SPG11: variants seen among roughly 807,000 people sequenced by gnomAD.
SPG11 encodes the protein spatacsin.
In SPG11, 222 loss-of-function variants were observed where a neutral mutation model predicts 274.0. The ratio of observed to expected loss-of-function variants is 0.81; its 90% CI spans 0.73 to 0.91. The LOEUF (loss-of-function observed/expected upper bound fraction) is 0.91, where lower values mean the gene tolerates loss of function less well. SPG11 is among the 40% of genes least tolerant of loss of function. The pLI is 0.00. For missense variants in SPG11, 3,114 were observed against 2,872.7 expected, an observed-to-expected ratio of 1.08 and a Z score of -1.92; for synonymous variants, 1,144 against 1,039.7, an observed-to-expected ratio of 1.10 and a Z score of -1.93.
At chr15:44,593,247 GTGCAGTGGCA>G (rs1209501563) in intron 26 of SPG11, among the ~76,000 whole-genome samples, 2 of 152,060 alleles carry the variant, frequency 1.3e-5, no homozygotes, top group African/African-American at 4.8e-5. Flanking sequence ...CCAGGCTGGA[GTGCAGTGGCA>G]TGATCACAGC....
At position 44,565,905 on chromosome 15, in the gene SPG11, C is replaced by A; in HGVS notation, c.6948G>T (p.Leu2316Phe). 6.2e-7 allele frequency: 1 copy of A among 1,613,724 alleles called. No individual in the cohort carries two copies. Among genetic ancestry groups the A allele is most frequent in the South Asian group, 1.1e-5 (1 of 91,006 alleles). ...TACAGTCCATCAGCTTGTGGCGGCC[C>A]AAGTTGATGAGCATTGTGTTCTGGC... is the stretch of plus-strand genomic sequence containing the variant. ...NTGQNTMLIN[L>F]GRHKLMDCIL... is the part of the protein sequence containing the mutation. The change falls in exon 38 of 40, where the codon TTG (leucine) becomes TTT (phenylalanine). Residue 2316 changes from leucine to phenylalanine, a missense_variant. Transcript: ENST00000261866.
chr15:44,597,342 C>A (rs966893282), intron 23 of SPG11, among the ~76,000 whole-genome samples: 6 of 152,056 alleles, frequency 3.9e-5, no homozygotes, highest in African/African-American at 1.4e-4. Context: ...GAACTCCCAA[C>A]CTCAGGTGAT....
chr15:44,564,652 T>G lies in SPG11; in HGVS notation c.7046A>C (p.Glu2349Ala), dbSNP rs1255680406. ...EAYDFVPDWA[E>A]ILYQQVILKG... is the part of the protein sequence containing the mutation. Reference sequence around the variant, plus strand: ...AAGAATCACTTGCTGGTATAAAATTTCAGCCCAATCTGGAACAAAATCGTA... The same window carrying G: ...AAGAATCACTTGCTGGTATAAAATTGCAGCCCAATCTGGAACAAAATCGTA... Residue 2349 changes from glutamate (E) to alanine (A), a missense_variant, in exon 39 of 40, where the codon GAA becomes GCA. Transcript: ENST00000261866. 6.2e-7 allele frequency: 1 copy of G among 1,614,144 alleles called. No homozygotes were observed. Among genetic ancestry groups the G allele is most frequent in the Admixed American group, 1.7e-5 (1 of 60,014 alleles).
chr15:44,619,704 G>C (rs556970965), intron 15 of SPG11, among the ~76,000 whole-genome samples: 3 of 151,188 alleles, frequency 2.0e-5, no homozygotes, highest in Non-Finnish European at 4.4e-5. Flanking sequence ...CTACCCACAT[G>C]ATATTAAATG....
rs8037681 is a variant in SPG11 at position 44,581,266 on chromosome 15, G to T, written c.5866+2548C>A. 6.0e-3 allele frequency among the ~76,000 whole-genome samples: 910 copies of T among 152,156 alleles called. 26 individuals are homozygous for T. In the East Asian group the frequency reaches 0.089, roughly 15 times the overall value. The stretch of plus-strand genomic sequence containing the variant: ...TTGTTGCCCAGGCTGGAGTGCAGTG[G>T]CATGAACATGGCTCACTGCAGCCTT... On this transcript the variant is annotated intron_variant, in intron 30 of 39. Coordinates refer to ENST00000261866, the MANE Select transcript of SPG11 (RefSeq NM_025137.4).
intron 26 of SPG11, among the ~76,000 whole-genome samples, chr15:44,593,220 T>C (rs915558703): frequency 2.0e-5 from 3 of 152,056 alleles, no homozygotes; most frequent in African/African-American, 4.8e-5. Flanking sequence ...TTTTGAGACA[T>C]AGCCTCATTC....
intron 38 of SPG11, 98 bp from the exon 39 acceptor site, chr15:44,564,796 T>C (rs186778944): frequency 3.6e-5 from 46 of 1,275,056 alleles, no homozygotes; most frequent in African/African-American, 1.3e-4. Context: ...CTCACTCATG[T>C]AGTGAATATG....
intron 7 of SPG11, among the ~76,000 whole-genome samples, chr15:44,636,695 A>T (rs914288908): frequency 2.6e-5 from 4 of 151,606 alleles, no homozygotes; most frequent in African/African-American, 7.3e-5. Flanking sequence ...GGTTTGGGAG[A>T]AAGGCAGGTC....
chr15:44,580,381 C>T (rs1264975271), intron 30 of SPG11, among the ~76,000 whole-genome samples: 2 of 152,130 alleles, frequency 1.3e-5, no homozygotes, highest in Admixed American at 1.3e-4. Context: ...AGAATGTAAC[C>T]TCATTGTTAA....
chr15:44,632,663 A>C (rs1228781901), intron 8 of SPG11, among the ~76,000 whole-genome samples: 1 of 151,966 alleles, frequency 6.6e-6, no homozygotes, highest in Non-Finnish European at 1.5e-5. Flanking sequence ...ATGCGTCATC[A>C]TGCCCAACTA....
At chr15:44,595,785 A>G (rs2083020766) in intron 25 of SPG11, among the ~76,000 whole-genome samples, 1 of 152,206 alleles carries the variant, frequency 6.6e-6, no homozygotes, top group Non-Finnish European at 1.5e-5. Context: ...CTTCCCTGCT[A>G]AAGAGGGCAC....
chr15:44,654,874 T>C (rs2084892525), intron 4 of SPG11, among the ~76,000 whole-genome samples: 1 of 152,118 alleles, frequency 6.6e-6, no homozygotes, highest in African/African-American at 2.4e-5. Flanking sequence ...TATCAGAACC[T>C]ATGTAATGTA....
In SPG11 at chr15:44,573,758, C is replaced by T. The variant is rs914339608; in HGVS notation, c.6007-13G>A. ...AACAGCCCAACTCCTGAGAGGAAGA[C>T]AAAGCCAGTCAAGGCCACTTTTAGA... On this transcript the variant is annotated splice_polypyrimidine_tract_variant and intron_variant, in intron 31 of 39. Transcript: ENST00000261866. 5.0e-6 allele frequency: 8 copies of T among 1,613,992 alleles called. No homozygotes were observed. The highest frequency in any genetic ancestry group is 5.9e-6 in the Non-Finnish European group (7 of 1,179,994).
In SPG11 at chr15:44,569,453, T is replaced by A; in HGVS notation, c.6530A>T (p.Asp2177Val). 6.2e-7 allele frequency: 1 copy of A among 1,606,832 alleles called. No homozygotes were observed. Among genetic ancestry groups the A allele is most frequent in the Non-Finnish European group, 8.5e-7 (1 of 1,176,098 alleles). ...GRYNEMTYIF[D>V]LLHKKHYFEV... ...AAAGTAGTGCTTTTTATGCAGCAAA[T>A]CAAATATGTATGTCATCTCGTTGTA... The change falls in exon 35 of 40, where the codon GAT becomes GTT. Residue 2177 changes from aspartate (D) to valine (V), a missense_variant. By Grantham distance (152) the Asp-to-Val change is radical. Coordinates refer to ENST00000261866, the MANE Select transcript of SPG11 (RefSeq NM_025137.4).
Position 44,595,353 on chromosome 15 carries a change from G to A in SPG11, c.4541C>T (p.Thr1514Ile). 1 of 1,614,156 alleles carries A rather than the reference G, an allele frequency of 6.2e-7. No homozygotes were observed. Among genetic ancestry groups the A allele is most frequent in the Non-Finnish European group, 8.5e-7 (1 of 1,180,008 alleles). The part of the protein sequence containing the change: ...GHIQDSTEDH[T>I]WNLEDLSVIW... ...GACTGAAAGATCCTCAAGGTTCCAG[G>A]TATGGTCCTCTGTTGAGTCCTGAAT... Residue 1514 changes from threonine (T) to isoleucine (I), a missense_variant, in exon 26 of 40, where the codon ACC (threonine) becomes ATC (isoleucine). Thr to Ile is a moderately conservative substitution (Grantham distance 89). Transcript: ENST00000261866.
chr15:44,588,152 G>T (rs2082814469), intron 28 of SPG11, among the ~76,000 whole-genome samples: 1 of 152,086 alleles, frequency 6.6e-6, no homozygotes, highest in Non-Finnish European at 1.5e-5. Flanking sequence ...TAGCCAAACT[G>T]TCAGAATATA....
chr15:44,638,461 A>AAAAC (rs768509241), intron 7 of SPG11, among the ~76,000 whole-genome samples: 47 of 151,620 alleles, frequency 3.1e-4, no homozygotes, highest in African/African-American at 7.3e-4. Context: ...ACTCCATCTC[A>AAAAC]AAACAAACAA....
intron 7 of SPG11, among the ~76,000 whole-genome samples, chr15:44,640,630 C>T (rs541463876): frequency 2.0e-5 from 3 of 152,116 alleles, no homozygotes; most frequent in Non-Finnish European, 4.4e-5. Flanking sequence ...TAAGGAAAGA[C>T]CTATGAACAG....
In SPG11 at chr15:44,564,584, AC is replaced by A; in HGVS notation, c.7113del (p.Arg2371SerfsTer3). The A allele has an allele frequency of 6.2e-7, 1 of 1,614,010 alleles. No individual in the cohort carries two copies. Among genetic ancestry groups the A allele is most frequent in the Non-Finnish European group, 8.5e-7 (1 of 1,179,932 alleles). ...TCTTCAAATATACTGGACTTTAATA[AC>A]CTTTGCTGCTTAAATTCTTCCAAGT... is the stretch of plus-strand genomic sequence containing the variant. ...FNYLEEFKQQ[R>X]LLKSSIFEEI... is the part of the protein sequence containing the mutation. On this transcript the variant is annotated frameshift_variant, in exon 39 of 40. Coordinates refer to ENST00000261866, the MANE Select transcript of SPG11 (RefSeq NM_025137.4). LOFTEE classifies it high-confidence loss of function.
Sources: allele counts gnomAD v4.1 joint callset (sites outside exome capture counted in the v4.1 genomes callset), GRCh38; gene constraint gnomAD v4.1.1; transcripts MANE v1.5; gene names NCBI Gene and HGNC (gene_info 2026-07-23, HGNC 2026-07-21).